Variants in NELL2 observed in about 807,000 individuals in gnomAD.
NELL2 encodes the protein protein kinase C-binding protein NELL2.
NELL2 carries 41 observed loss-of-function variants against 109.6 expected under a neutral mutation model. That is an observed-to-expected ratio of 0.37 (90% confidence interval 0.29 to 0.49). NELL2 has a LOEUF of 0.49. NELL2 is among the 20% of genes least tolerant of loss of function. The pLI is 0.98. For missense variants in NELL2, 900 were observed against 1,008.3 expected (o/e 0.89, Z 1.45); for synonymous variants, 355 against 344.7 (o/e 1.03, Z -0.33).
intron 12 of NELL2, among the ~76,000 whole-genome samples, chr12:44,696,005 A>G (rs1361086314): frequency 2.6e-5 from 4 of 152,092 alleles, no homozygotes; most frequent in Non-Finnish European, 4.4e-5. Flanking sequence ...GAAACCCATG[A>G]TAAGTGAAAA....
At chr12:44,814,611 T>C (rs1041113111) in intron 3 of NELL2, among the ~76,000 whole-genome samples, 5 of 152,146 alleles carry the variant, frequency 3.3e-5, no homozygotes, top group Non-Finnish European at 7.4e-5. Flanking sequence ...AGTGTTAGGA[T>C]GGCACCCTCC....
At chr12:44,812,431 A>T (rs1943210219) in intron 3 of NELL2, among the ~76,000 whole-genome samples, 1 of 152,162 alleles carries the variant, frequency 6.6e-6, no homozygotes, top group Non-Finnish European at 1.5e-5. Context: ...AAATATGTGT[A>T]TGGTTTCAGT....
At chr12:44,885,585 A>G (rs1450623421) in intron 1 of NELL2, among the ~76,000 whole-genome samples, 1 of 151,976 alleles carries the variant, frequency 6.6e-6, no homozygotes, top group Non-Finnish European at 1.5e-5. Context: ...AATACAGGCA[A>G]GATTTTACAC....
Position 44,703,636 on chromosome 12 carries a change from C to G in NELL2, c.1318+90G>C, listed in dbSNP as rs1304878096. On this transcript the variant is annotated intron_variant, in intron 12 of 19. Coordinates refer to ENST00000429094, the MANE Select transcript of NELL2 (RefSeq NM_001145108.2). ...AATTCACTGCTTTTAATGGGCCCAT[C>G]AACTTGACAACCTGGGAACTTAATA... is the stretch of plus-strand genomic sequence containing the variant. 3 of 1,371,638 alleles carry G rather than the reference C, an allele frequency of 2.2e-6. No homozygotes were observed. In the African/African-American group the frequency reaches 4.4e-5, roughly 20 times the overall value. 85.0% of individuals were successfully genotyped at this position (1,371,638 alleles called of 1,614,324 possible).
chr12:44,650,412 C>T (rs1017533337), intron 13 of NELL2, among the ~76,000 whole-genome samples: 12 of 151,896 alleles, frequency 7.9e-5, no homozygotes, highest in Non-Finnish European at 1.6e-4. Flanking sequence ...TCTCCTGCCT[C>T]AGCTTCCGGA....
intron 9 of NELL2, among the ~76,000 whole-genome samples, chr12:44,733,577 C>A (rs1939485175): frequency 6.6e-6 from 1 of 151,908 alleles, no homozygotes; most frequent in African/African-American, 2.4e-5. Flanking sequence ...TAAGGAGTTT[C>A]TATTCAATGG....
chr12:44,731,050 AACCT>A (rs1443938257), intron 9 of NELL2, among the ~76,000 whole-genome samples: 1 of 152,140 alleles, frequency 6.6e-6, no homozygotes, highest in Non-Finnish European at 1.5e-5. Flanking sequence ...GAAACACTAC[AACCT>A]ACTATGACAG....
At chr12:44,878,691 C>G (rs1218004884), upstream of NELL2, among the ~76,000 whole-genome samples, 1 of 150,904 alleles carries the variant, frequency 6.6e-6, no homozygotes, top group Non-Finnish European at 1.5e-5. Context: ...CCATACATTA[C>G]CACTTCAGTT....
intron 16 of NELL2, among the ~76,000 whole-genome samples, chr12:44,531,580 T>C (rs779032898): frequency 6.6e-6 from 1 of 152,222 alleles, no homozygotes. Flanking sequence ...AGAGCTTGTC[T>C]GCTGCCGGCA....
chr12:44,564,271 T>G (rs1049364254), intron 15 of NELL2, among the ~76,000 whole-genome samples: 2 of 152,194 alleles, frequency 1.3e-5, no homozygotes, highest in South Asian at 4.1e-4. Context: ...GAAAGCAAAA[T>G]GCATGGTTTA....
intron 11 of NELL2, among the ~76,000 whole-genome samples, chr12:44,707,997 T>C (rs1937978847): frequency 6.6e-6 from 1 of 152,022 alleles, no homozygotes; most frequent in Non-Finnish European, 1.5e-5. Flanking sequence ...AAATAATAAA[T>C]TAAGGAGGGC....
intron 3 of NELL2, among the ~76,000 whole-genome samples, chr12:44,782,339 GAA>G (rs985499332): frequency 1.3e-5 from 2 of 151,628 alleles, no homozygotes; most frequent in East Asian, 3.9e-4. Context: ...AAAAAAAACA[GAA>G]AAATAAAACA....
At chr12:44,585,422 C>T (rs1056326973) in intron 15 of NELL2, among the ~76,000 whole-genome samples, 17 of 151,990 alleles carry the variant, frequency 1.1e-4, no homozygotes, top group Admixed American at 2.0e-4. Context: ...GCCAACATGG[C>T]GAAACTCCTT....
chr12:44,729,488 A>G (rs928648600), intron 9 of NELL2, among the ~76,000 whole-genome samples: 9 of 152,020 alleles, frequency 5.9e-5, no homozygotes, highest in Non-Finnish European at 1.3e-4. Flanking sequence ...TGACAATAGT[A>G]AGTCCTACTC....
chr12:44,797,706 G>A (rs547394040), intron 3 of NELL2, among the ~76,000 whole-genome samples: 5 of 150,778 alleles, frequency 3.3e-5, no homozygotes, highest in Middle Eastern at 3.4e-3. Flanking sequence ...ATTAAGTATC[G>A]CTCCTTGAAG....
chr12:44,521,929 G>T, intron 18 of NELL2, 71 bp downstream of exon 18: 1 of 1,495,160 alleles, frequency 6.7e-7, no homozygotes. Flanking sequence ...GGCAGATGGG[G>T]AGGACGAGGT....
At chr12:44,851,652 A>T (rs1452956137) in intron 2 of NELL2, 1 of 152,178 alleles carries the variant, frequency 6.6e-6, no homozygotes, top group Non-Finnish European at 1.5e-5. Context: ...CAAAACCAAA[A>T]TGCAAAAAAT....
chr12:44,875,027 C>A lies in NELL2; in HGVS notation c.184+198G>T, dbSNP rs971874164. 1.3e-5 allele frequency: 8 copies of A among 629,404 alleles called. No homozygotes were observed. In the African/African-American group the frequency reaches 1.5e-4, roughly 12 times the overall value. 39.0% of individuals were successfully genotyped at this position (629,404 alleles called of 1,614,324 possible). ...TTAGAACTGGCAAGAGTACAAAGTA[C>A]GAAGGAGAAGGGTGAGGCAGGGGAG... On this transcript the variant is annotated intron_variant, in intron 2 of 19. Coordinates refer to ENST00000429094, the MANE Select transcript of NELL2 (RefSeq NM_001145108.2).
chr12:44,820,134 C>T (rs538584141), intron 2 of NELL2, among the ~76,000 whole-genome samples: 2 of 152,290 alleles, frequency 1.3e-5, no homozygotes, highest in East Asian at 3.9e-4. Context: ...TCTCTGTCCA[C>T]AGAACACCGT....
Sources: gnomAD v4.1 joint callset for allele counts (sites outside exome capture counted in the v4.1 genomes callset) on GRCh38, gnomAD v4.1.1 for gene constraint, MANE v1.5 for transcripts, NCBI Gene and HGNC (gene_info 2026-07-23, HGNC 2026-07-21) for gene names.